CCDC171: variants seen among roughly 807,000 people sequenced by gnomAD.
CCDC171 encodes coiled-coil domain-containing protein 171.
In CCDC171, 177 loss-of-function variants were observed where a neutral mutation model predicts 168.2. That is an observed-to-expected ratio of 1.05 (90% confidence interval 0.93 to 1.19). The LOEUF (loss-of-function observed/expected upper bound fraction) is 1.19, where lower values mean the gene tolerates loss of function less well. Ranked by LOEUF, CCDC171 falls within the 50% of genes most tolerant of loss-of-function variation. CCDC171 has a pLI of 0.00. For missense variants in CCDC171, 1,991 were observed against 1,539.0 expected (o/e 1.29, Z -4.91); for synonymous variants, 687 against 540.8 (o/e 1.27, Z -3.75).
chr9:15,757,984 G>A (rs897405451), intron 18 of CCDC171, among the ~76,000 whole-genome samples: 1 of 152,170 alleles, frequency 6.6e-6, no homozygotes, highest in Admixed American at 6.5e-5. Flanking sequence ...ACAGGGGTGG[G>A]GCTCTTATAG....
chr9:15,930,377 T>A (rs1269325888), intron 25 of CCDC171, among the ~76,000 whole-genome samples: 1 of 151,544 alleles, frequency 6.6e-6, no homozygotes, highest in Non-Finnish European at 1.5e-5. Flanking sequence ...TAATATACAT[T>A]GGATGTTTCT....
chr9:15,809,969 A>G (rs940952083), intron 21 of CCDC171, among the ~76,000 whole-genome samples: 2 of 152,160 alleles, frequency 1.3e-5, no homozygotes, highest in Admixed American at 1.3e-4. Flanking sequence ...CCGTTTTGAC[A>G]GGGTGCCGAT....
chr9:15,949,512 T>A (rs1164005615), intron 25 of CCDC171, among the ~76,000 whole-genome samples: 1 of 152,214 alleles, frequency 6.6e-6, no homozygotes, highest in African/African-American at 2.4e-5. Context: ...CAGTGGTTTG[T>A]ACTTCTCCTT....
chr9:15,776,617 A>C (rs1249784730), intron 18 of CCDC171, among the ~76,000 whole-genome samples: 2 of 152,214 alleles, frequency 1.3e-5, no homozygotes, highest in African/African-American at 4.8e-5. Flanking sequence ...AAATAAGTAG[A>C]ATGAAGCTCA....
At chr9:16,096,233 T>C in the CCDC171 span, among the ~76,000 whole-genome samples, 2 of 152,158 alleles carry the variant, frequency 1.3e-5, no homozygotes, top group Non-Finnish European at 1.5e-5. Flanking sequence ...ATGCTTAAAA[T>C]AACTCCATAA....
intron 25 of CCDC171, among the ~76,000 whole-genome samples, chr9:15,955,274 AG>A (rs34129749): frequency 6.6e-6 from 1 of 152,096 alleles, no homozygotes; most frequent in African/African-American, 2.4e-5. Context: ...CTGGTCCCAA[AG>A]GGGGGAAAAG....
the CCDC171 span, among the ~76,000 whole-genome samples, chr9:16,095,074 G>T: frequency 1.3e-5 from 2 of 152,124 alleles, no homozygotes; most frequent in African/African-American, 4.8e-5. Context: ...AGGCCCCCCA[G>T]CCATGCTTCC....
At chr9:15,572,284 A>G (rs937574443) in intron 3 of CCDC171, among the ~76,000 whole-genome samples, 3 of 152,124 alleles carry the variant, frequency 2.0e-5, no homozygotes, top group African/African-American at 7.2e-5. Flanking sequence ...CATGAGTCAT[A>G]TCTTTATGCC....
chr9:15,928,846 A>G (rs1281173804), intron 25 of CCDC171, among the ~76,000 whole-genome samples: 1 of 151,508 alleles, frequency 6.6e-6, no homozygotes, highest in Non-Finnish European at 1.5e-5. Flanking sequence ...TATTCTAGAA[A>G]CTCAAGAGTT....
At chr9:15,995,993 T>G (rs1042734095) in intron 3 of CCDC171, among the ~76,000 whole-genome samples, 1 of 152,210 alleles carries the variant, frequency 6.6e-6, no homozygotes, top group African/African-American at 2.4e-5. Context: ...CAGTAGTTTA[T>G]TCTTCTGTTT....
the CCDC171 span, among the ~76,000 whole-genome samples, chr9:16,103,831 T>G: frequency 6.6e-6 from 1 of 152,102 alleles, no homozygotes; most frequent in African/African-American, 2.4e-5. Context: ...ACGCATGGAC[T>G]CCGGGGGGGC....
At chr9:15,774,596 C>G (rs1588423303) in intron 18 of CCDC171, among the ~76,000 whole-genome samples, 1 of 152,182 alleles carries the variant, frequency 6.6e-6, no homozygotes, top group South Asian at 2.1e-4. Flanking sequence ...CCAGCAGTCT[C>G]ACTACTACAT....
At chr9:15,989,513 C>A (rs936787089) in intron 3 of CCDC171, among the ~76,000 whole-genome samples, 1 of 151,954 alleles carries the variant, frequency 6.6e-6, no homozygotes, top group African/African-American at 2.4e-5. Flanking sequence ...TCTAAAAATC[C>A]GAGGGCCTCT....
At chr9:15,638,882 C>G (rs1170598403) in intron 7 of CCDC171, among the ~76,000 whole-genome samples, 1 of 151,860 alleles carries the variant, frequency 6.6e-6, no homozygotes, top group Non-Finnish European at 1.5e-5. Context: ...CTCTTTACAA[C>G]TAGGGGAGTT....
At chr9:15,899,622 A>C (rs551097577) in intron 24 of CCDC171, among the ~76,000 whole-genome samples, 6 of 152,046 alleles carry the variant, frequency 3.9e-5, no homozygotes, top group Non-Finnish European at 7.4e-5. Flanking sequence ...CCTGTTTGCT[A>C]TTTGTATATT....
At chr9:15,976,545 T>C (rs932246262), downstream of CCDC171, among the ~76,000 whole-genome samples, 1 of 152,060 alleles carries the variant, frequency 6.6e-6, no homozygotes, top group African/African-American at 2.4e-5. Flanking sequence ...ATTGTTTTTA[T>C]TTTATTCCAT....
chr9:15,878,866 T>C (rs762257540), intron 24 of CCDC171, among the ~76,000 whole-genome samples: 7 of 152,140 alleles, frequency 4.6e-5, no homozygotes, highest in Non-Finnish European at 1.0e-4. Context: ...CTCAGCAATC[T>C]AACACGGGAA....
chr9:15,844,949 C>G (rs2060833194), intron 21 of CCDC171, among the ~76,000 whole-genome samples: 2 of 152,130 alleles, frequency 1.3e-5, no homozygotes, highest in African/African-American at 4.8e-5. Flanking sequence ...ATATGCACCT[C>G]TAGTCATAAG....
chr9:15,750,218 G>C (rs892646770), intron 18 of CCDC171, among the ~76,000 whole-genome samples: 2 of 152,070 alleles, frequency 1.3e-5, no homozygotes, highest in African/African-American at 2.4e-5. Context: ...AGAAAATCTA[G>C]AAGAAATGTA....
Sources: gnomAD v4.1 joint callset for allele counts (sites outside exome capture counted in the v4.1 genomes callset) on GRCh38, gnomAD v4.1.1 for gene constraint, MANE v1.5 for transcripts, NCBI Gene and HGNC (gene_info 2026-07-23, HGNC 2026-07-21) for gene names.